GREB1L: variants seen among roughly 807,000 people sequenced by gnomAD.
GREB1L encodes GREB1 like retinoic acid receptor coactivator, also known as GREB1-like protein.
In GREB1L, 17 loss-of-function variants were observed where a neutral mutation model predicts 200.8. The observed-to-expected ratio is 0.08, with a 90% confidence interval of 0.06 to 0.13. The LOEUF (loss-of-function observed/expected upper bound fraction) is 0.13, where lower values mean the gene tolerates loss of function less well. GREB1L is among the 10% of genes least tolerant of loss of function. The pLI, the probability that GREB1L is intolerant of heterozygous loss-of-function variation, is 1.00. For synonymous variants in GREB1L, 789 were observed against 893.0 expected (o/e 0.88, Z 2.08); for missense variants, 1,657 against 2,367.7 (o/e 0.70, Z 6.23).
chr18:21,364,836 C>CT (rs113605319), intron 1 of GREB1L, among the ~76,000 whole-genome samples: 197 of 141,682 alleles, frequency 1.4e-3, no homozygotes, highest in Admixed American at 1.9e-3. Context: ...AGATTACTGA[C>CT]TTTTTTTTTT....
intron 7 of GREB1L, among the ~76,000 whole-genome samples, chr18:21,413,721 G>A (rs1192207257): frequency 6.6e-6 from 1 of 152,118 alleles, no homozygotes; most frequent in Non-Finnish European, 1.5e-5. Flanking sequence ...GGAAAACAAT[G>A]ATTACTCCCC....
chr18:21,317,985 G>T (rs938550496), intron 1 of GREB1L, among the ~76,000 whole-genome samples: 56 of 151,906 alleles, frequency 3.7e-4, no homozygotes, highest in African/African-American at 1.3e-3. Context: ...GCATGTGCCT[G>T]TAATCCCAGC....
chr18:21,245,968 C>A (rs147043627), intron 1 of GREB1L, among the ~76,000 whole-genome samples: 5 of 152,100 alleles, frequency 3.3e-5, no homozygotes, highest in Admixed American at 3.3e-4. Flanking sequence ...GTGATCTGCC[C>A]GCCTCAGCCT....
intron 5 of GREB1L, among the ~76,000 whole-genome samples, chr18:21,399,489 A>ATGGATGGATGGATAGATGGATGGGTGGG (rs1567979040): frequency 3.3e-5 from 5 of 151,496 alleles, no homozygotes; most frequent in Non-Finnish European, 7.4e-5. Context: ...GGATGGATGG[A>ATGGATGGATGGATAGATGGATGGGTGGG]TGGATAGATG....
intron 1 of GREB1L, among the ~76,000 whole-genome samples, chr18:21,298,932 C>G (rs979180535): frequency 6.6e-6 from 1 of 151,964 alleles, no homozygotes; most frequent in African/African-American, 2.4e-5. Flanking sequence ...GAGACCCTGT[C>G]TCTGGGGAGG....
At chr18:21,454,631 T>C in intron 15 of GREB1L, 68 bp downstream of exon 15, 2 of 1,201,836 alleles carry the variant, frequency 1.7e-6, no homozygotes, top group East Asian at 5.1e-5. Context: ...CTCTTTCTTT[T>C]GCTTAATCCA....
intron 18 of GREB1L, among the ~76,000 whole-genome samples, chr18:21,489,611 G>A (rs1296292522): frequency 4.6e-5 from 7 of 152,098 alleles, no homozygotes; most frequent in African/African-American, 1.7e-4. Flanking sequence ...ATAGACCAGC[G>A]TGTCTCAGAA....
rs1389081028 is a variant in GREB1L, at chr18:21,395,370, T to A, written c.356-15T>A. 16 of 1,542,276 alleles carry A rather than the reference T, an allele frequency of 1.0e-5. No homozygotes were observed. Among genetic ancestry groups the A allele is most frequent in the African/African-American group, 5.5e-5 (4 of 72,780 alleles). Reference sequence around the variant, plus strand: ...AAACATTTCACTGTGTCCTTTTTTTTAAACTGGTTTTTAGGTTTTTGTCAA... The same window carrying A: ...AAACATTTCACTGTGTCCTTTTTTTAAAACTGGTTTTTAGGTTTTTGTCAA... On this transcript the variant is annotated splice_polypyrimidine_tract_variant and intron_variant, in intron 4 of 32. Transcript: ENST00000424526.
At chr18:21,474,171 A>G (rs758221017) in intron 16 of GREB1L, among the ~76,000 whole-genome samples, 8 of 152,286 alleles carry the variant, frequency 5.3e-5, no homozygotes, top group Non-Finnish European at 8.8e-5. Context: ...ACAGTCTCCC[A>G]AAGTCTCAAC....
intron 1 of GREB1L, among the ~76,000 whole-genome samples, chr18:21,354,756 G>A (rs566215259): frequency 3.3e-5 from 5 of 152,266 alleles, no homozygotes; most frequent in African/African-American, 9.6e-5. Context: ...AAGATGGGGT[G>A]GGTGGTATTT....
At chr18:21,252,702 T>C (rs1424752539) in intron 1 of GREB1L, among the ~76,000 whole-genome samples, 2 of 151,156 alleles carry the variant, frequency 1.3e-5, no homozygotes, top group Non-Finnish European at 2.9e-5. Context: ...ACCCTGTCTC[T>C]ACTAAAAATA....
intron 17 of GREB1L, among the ~76,000 whole-genome samples, chr18:21,482,868 C>G (rs1397024077): frequency 6.6e-6 from 1 of 151,988 alleles, no homozygotes; most frequent in Non-Finnish European, 1.5e-5. Flanking sequence ...ATTCTCCCCC[C>G]AGAAATAGTG....
chr18:21,428,388 G>GT (rs1254736549), intron 7 of GREB1L, among the ~76,000 whole-genome samples: 6 of 91,114 alleles, frequency 6.6e-5, no homozygotes, highest in East Asian at 3.3e-4. Context: ...GGAAGTAGTG[G>GT]TTTTTTTTGT....
chr18:21,381,318 G>T (rs2040302204), intron 2 of GREB1L, among the ~76,000 whole-genome samples: 1 of 151,904 alleles, frequency 6.6e-6, no homozygotes, highest in Non-Finnish European at 1.5e-5. Flanking sequence ...TGAGGCAGGA[G>T]AATTGCTTGA....
chr18:21,265,636 A>T (rs1277140351), intron 1 of GREB1L, among the ~76,000 whole-genome samples: 1 of 152,124 alleles, frequency 6.6e-6, no homozygotes, highest in Non-Finnish European at 1.5e-5. Flanking sequence ...TTTTGTGGAG[A>T]CAAGGTGTTC....
chr18:21,305,236 A>G (rs2038681814), intron 1 of GREB1L, among the ~76,000 whole-genome samples: 1 of 152,148 alleles, frequency 6.6e-6, no homozygotes, highest in South Asian at 2.1e-4. Context: ...GGCCTCTCAA[A>G]GTGCTGGGAT....
At chr18:21,345,349 A>G (rs1403037871) in intron 1 of GREB1L, among the ~76,000 whole-genome samples, 1 of 152,216 alleles carries the variant, frequency 6.6e-6, no homozygotes, top group Non-Finnish European at 1.5e-5. Context: ...TCTGGCTGGA[A>G]CATGCCATGT....
chr18:21,426,782 C>T (rs1207685944), intron 7 of GREB1L, among the ~76,000 whole-genome samples: 1 of 151,646 alleles, frequency 6.6e-6, no homozygotes, highest in Non-Finnish European at 1.5e-5. Flanking sequence ...CATGGTGAAA[C>T]CCTGTCTCTA....
At chr18:21,363,271 A>ACCC (rs1567951929) in intron 1 of GREB1L, among the ~76,000 whole-genome samples, 1 of 7,310 alleles carries the variant, frequency 1.4e-4, no homozygotes, top group Non-Finnish European at 2.6e-4. Context: ...CCCTGCCCCC[A>ACCC]CTCCGCCTCC....
Sources: gnomAD v4.1 joint callset for allele counts (sites outside exome capture counted in the v4.1 genomes callset) on GRCh38, gnomAD v4.1.1 for gene constraint, MANE v1.5 for transcripts, NCBI Gene and HGNC (gene_info 2026-07-23, HGNC 2026-07-21) for gene names.